The following TNKS variants were observed in gnomAD, a reference collection of about 807,000 sequenced individuals.
TNKS encodes the protein tankyrase.
Under a neutral mutation model 135.8 loss-of-function variants are expected in TNKS, and 72 were observed. The ratio of observed to expected loss-of-function variants is 0.53; its 90% CI spans 0.44 to 0.64. The LOEUF is 0.64. Among genes scored for constraint, TNKS ranks in the 30% least tolerant of loss-of-function variants. The pLI is 0.00. For missense variants in TNKS, 1,769 were observed against 1,674.0 expected, an observed-to-expected ratio of 1.06 and a Z score of -0.99; for synonymous variants, 849 against 649.3, an observed-to-expected ratio of 1.31 and a Z score of -4.68.
chr8:9,668,887 T>C (rs1802132278), intron 3 of TNKS, among the ~76,000 whole-genome samples: 1 of 152,218 alleles, frequency 6.6e-6, no homozygotes, highest in African/African-American at 2.4e-5. Flanking sequence ...GGATTTTGAC[T>C]ATTCAGCTGT....
Position 9,748,112 on chromosome 8 carries a change from C to G in TNKS, c.2732C>G (p.Ala911Gly). 1 of 1,614,068 alleles carries G rather than the reference C, an allele frequency of 6.2e-7. No homozygotes were observed. Among genetic ancestry groups the G allele is most frequent in the Non-Finnish European group, 8.5e-7 (1 of 1,180,004 alleles). ...KWAFTPLHEA[A>G]QKGRTQLCAL... Reference sequence around the variant, plus strand: ...GCGTTTACTCCCCTCCATGAAGCAGCCCAGAAAGGAAGGACGCAGCTGTGC... The same window carrying G: ...GCGTTTACTCCCCTCCATGAAGCAGGCCAGAAAGGAAGGACGCAGCTGTGC... The change falls in exon 18 of 27, where the codon GCC becomes GGC. Residue 911 changes from alanine to glycine, a missense_variant. Around this residue, in one of 5 missense-constraint regions of TNKS, gnomAD observed 722 missense variants for 688.9 expected, o/e 1.05. Coordinates refer to ENST00000310430, the MANE Select transcript of TNKS (RefSeq NM_003747.3).
intron 20 of TNKS, among the ~76,000 whole-genome samples, chr8:9,759,204 G>A (rs1807011406): frequency 6.6e-6 from 1 of 152,218 alleles, no homozygotes; most frequent in Non-Finnish European, 1.5e-5. Context: ...GTAAGGAGGT[G>A]GGAATCATTG....
At chr8:9,769,207 G>C (rs777198356) in intron 25 of TNKS, among the ~76,000 whole-genome samples, 2 of 152,308 alleles carry the variant, frequency 1.3e-5, no homozygotes, top group South Asian at 4.1e-4. Context: ...GCATGGCTGT[G>C]TGCCAATAAA....
chr8:9,617,499 A>G (rs1008305409), intron 3 of TNKS, among the ~76,000 whole-genome samples: 1 of 152,236 alleles, frequency 6.6e-6, no homozygotes, highest in African/African-American at 2.4e-5. Context: ...GTCTAGTAAT[A>G]TGGTTAATTT....
intron 3 of TNKS, among the ~76,000 whole-genome samples, chr8:9,651,388 C>T (rs1396363132): frequency 6.6e-6 from 1 of 151,990 alleles, no homozygotes; most frequent in Non-Finnish European, 1.5e-5. Context: ...TTGTTGAATG[C>T]CATCGGTCAA....
chr8:9,611,732 A>G (rs888501296), intron 2 of TNKS, among the ~76,000 whole-genome samples: 2 of 152,220 alleles, frequency 1.3e-5, no homozygotes, highest in African/African-American at 2.4e-5. Flanking sequence ...ATCCCCATAG[A>G]GAACAGTGTG....
intron 3 of TNKS, among the ~76,000 whole-genome samples, chr8:9,677,674 T>C (rs551672056): frequency 6.6e-6 from 1 of 152,328 alleles, no homozygotes; most frequent in Non-Finnish European, 1.5e-5. Flanking sequence ...AACTTGCAGC[T>C]TTTTAAGTAT....
At chr8:9,644,663 C>T (rs983755232) in intron 3 of TNKS, among the ~76,000 whole-genome samples, 1 of 152,080 alleles carries the variant, frequency 6.6e-6, no homozygotes, top group Admixed American at 6.6e-5. Flanking sequence ...CACCATTCAA[C>T]CCACAACAGC....
chr8:9,655,427 A>G (rs1801317717), intron 3 of TNKS, among the ~76,000 whole-genome samples: 1 of 152,218 alleles, frequency 6.6e-6, no homozygotes, highest in Non-Finnish European at 1.5e-5. Context: ...GAGATCCGAG[A>G]ACGGGCAGAC....
intron 26 of TNKS, among the ~76,000 whole-genome samples, chr8:9,770,645 C>T (rs1481381349): frequency 2.0e-5 from 3 of 152,160 alleles, no homozygotes; most frequent in Admixed American, 2.0e-4. Flanking sequence ...AAAACAAAAA[C>T]AATTTGTCTG....
intron 9 of TNKS, 90 bp from the exon 10 acceptor site, chr8:9,709,864 GT>G (rs1414887428): frequency 2.2e-6 from 2 of 910,762 alleles, no homozygotes; most frequent in African/African-American, 3.3e-5. Context: ...AGATAACAAT[GT>G]TTTAAATGGT....
chr8:9,613,464 A>C (rs1490790054), intron 2 of TNKS, among the ~76,000 whole-genome samples: 1 of 152,192 alleles, frequency 6.6e-6, no homozygotes, highest in African/African-American at 2.4e-5. Flanking sequence ...CTTCTCCTAA[A>C]AGTCTTAACT....
rs2128847484 is a variant in TNKS at position 9,780,370 on chromosome 8, A to C, written c.*3634A>C. 1 of 152,320 alleles carries C rather than the reference A, an allele frequency of 6.6e-6. No individual in the cohort carries two copies. The highest frequency in any genetic ancestry group is 1.5e-5 in the Non-Finnish European group (1 of 68,034). The allele number at this position is 152,320 out of a possible 1,614,324, so 9.4% of individuals were successfully genotyped here. A position where few individuals can be genotyped will look rare whatever the true frequency, so the allele number is the denominator to read the frequency against. ...CTGTTGGACTAATTGTCTCACGTAAAGCTATAGACCTTACTAATTTGGCAG... is the reference window on the plus strand; with the variant it reads ...CTGTTGGACTAATTGTCTCACGTAACGCTATAGACCTTACTAATTTGGCAG... On this transcript the variant is annotated 3_prime_UTR_variant, in exon 27 of 27. Transcript: ENST00000310430.
intron 3 of TNKS, among the ~76,000 whole-genome samples, chr8:9,638,909 C>G (rs939103482): frequency 1.3e-4 from 20 of 152,008 alleles, no homozygotes; most frequent in African/African-American, 4.3e-4. Flanking sequence ...GCAAAAGAAC[C>G]TAAAAGAGTG....
chr8:9,767,298 T>C (rs931250293), intron 25 of TNKS, among the ~76,000 whole-genome samples: 7 of 152,222 alleles, frequency 4.6e-5, no homozygotes, highest in African/African-American at 1.7e-4. Context: ...ATCTCTGTGA[T>C]GTCAGTGGCG....
chr8:9,608,533 T>G (rs934856492), intron 2 of TNKS, among the ~76,000 whole-genome samples: 10 of 152,170 alleles, frequency 6.6e-5, no homozygotes, highest in African/African-American at 2.2e-4. Context: ...CTCACTTTGT[T>G]GTGCTCTCAG....
chr8:9,695,160 G>T (rs1803451876), intron 5 of TNKS, among the ~76,000 whole-genome samples: 1 of 152,130 alleles, frequency 6.6e-6, no homozygotes, highest in Non-Finnish European at 1.5e-5. Flanking sequence ...GAAATCAAAA[G>T]ATGTAGTCAT....
chr8:9,631,863 C>T (rs1278027428), intron 3 of TNKS, among the ~76,000 whole-genome samples: 1 of 151,816 alleles, frequency 6.6e-6, no homozygotes, highest in Non-Finnish European at 1.5e-5. Flanking sequence ...GCTGAGATGG[C>T]AGTGATACAT....
Position 9,599,754 on chromosome 8 carries a change from TC to T in TNKS, c.899-15827del, listed in dbSNP as rs1798939686. ...TCTGCTATGTATATGTACAGAATAA[TC>T]TATACCTAAGTTACTGCAGATGTGA... On this transcript the variant is annotated intron_variant, in intron 2 of 26. Transcript: ENST00000310430. 2.0e-5 allele frequency among the ~76,000 whole-genome samples: 3 copies of T among 152,080 alleles called. No individual in the cohort carries two copies. The South Asian group carries it at 6.2e-4, about 31-fold the overall frequency.
Sources: gnomAD v4.1 joint callset for allele counts (sites outside exome capture counted in the v4.1 genomes callset) on GRCh38, gnomAD v4.1.1 for gene constraint, gnomAD v4.1.1 regional missense constraint, MANE v1.5 for transcripts, NCBI Gene and HGNC (gene_info 2026-07-23, HGNC 2026-07-21) for gene names.